Variants in DPYD observed in about 807,000 individuals in gnomAD.
The protein encoded by DPYD is dihydropyrimidine dehydrogenase [NADP(+)].
DPYD carries 109 observed loss-of-function variants against 116.2 expected under a neutral mutation model. That is an observed-to-expected ratio of 0.94 (90% CI 0.80 to 1.10). The LOEUF (loss-of-function observed/expected upper bound fraction) is 1.10, where lower values mean the gene tolerates loss of function less well. Ranked by LOEUF, DPYD falls within the 50% of genes least tolerant of loss-of-function variation. DPYD has a pLI of 0.00. For missense variants in DPYD, 1,302 were observed against 1,254.5 expected (o/e 1.04, Z -0.57); for synonymous variants, 440 against 432.0 (o/e 1.02, Z -0.23).
intron 14 of DPYD, among the ~76,000 whole-genome samples, chr1:97,389,595 C>A (rs1049934432): frequency 6.6e-6 from 1 of 151,844 alleles, no homozygotes; most frequent in Non-Finnish European, 1.5e-5. Context: ...ATTTGATATG[C>A]TCCTGAAAAG....
chr1:97,549,468 A>C, intron 12 of DPYD, 92 bp downstream of exon 12: 1 of 1,382,468 alleles, frequency 7.2e-7, no homozygotes, highest in Admixed American at 1.7e-5. Flanking sequence ...ATTATATACC[A>C]AATAGAAATG....
At chr1:97,492,350 A>G (rs992473122) in intron 13 of DPYD, among the ~76,000 whole-genome samples, 19 of 152,122 alleles carry the variant, frequency 1.2e-4, no homozygotes, top group Non-Finnish European at 4.4e-5. Context: ...TTGTCAAAAT[A>G]TTTTCTGTTC....
intron 13 of DPYD, among the ~76,000 whole-genome samples, chr1:97,513,179 A>G (rs185170464): frequency 6.7e-6 from 1 of 150,128 alleles, no homozygotes; most frequent in African/African-American, 2.4e-5. Context: ...AAGAGTATAA[A>G]ATATATATAT....
chr1:97,355,204 A>G (rs1309940252), intron 16 of DPYD, among the ~76,000 whole-genome samples: 1 of 152,120 alleles, frequency 6.6e-6, no homozygotes, highest in Admixed American at 6.5e-5. Context: ...TATCATCTCT[A>G]TAGGAATAAT....
At chr1:97,680,220 T>G (rs1660360935) in intron 7 of DPYD, among the ~76,000 whole-genome samples, 1 of 152,116 alleles carries the variant, frequency 6.6e-6, no homozygotes, top group South Asian at 2.1e-4. Flanking sequence ...AAAGCTATCA[T>G]AGTTGGGAAG....
At chr1:97,811,771 A>G (rs1668360555) in intron 3 of DPYD, among the ~76,000 whole-genome samples, 1 of 152,160 alleles carries the variant, frequency 6.6e-6, no homozygotes, top group Non-Finnish European at 1.5e-5. Flanking sequence ...GCTGAAATTC[A>G]AAGTGTATAT....
Position 97,549,745 on chromosome 1 carries a change from C to T in DPYD, c.1340-1G>A, listed in dbSNP as rs1435774234. 6.2e-7 allele frequency: 1 copy of T among 1,612,912 alleles called. No individual in the cohort carries two copies. The highest frequency in any genetic ancestry group is 8.5e-7 in the Non-Finnish European group (1 of 1,179,438). ...TTTATAGGGCTCAAGGCTTCTTTTA[C>T]TGAAAAAACAAGTGAAAAACAATAG... On this transcript the variant is annotated splice_acceptor_variant, in intron 11 of 22. Coordinates refer to ENST00000370192, the MANE Select transcript of DPYD (RefSeq NM_000110.4). LOFTEE classifies it high-confidence loss of function.
At chr1:97,599,328 C>A (rs887926729) in intron 8 of DPYD, among the ~76,000 whole-genome samples, 2 of 152,102 alleles carry the variant, frequency 1.3e-5, no homozygotes, top group African/African-American at 2.4e-5. Context: ...ATAGTAAATT[C>A]TTTCCTTGTG....
intron 5 of DPYD, among the ~76,000 whole-genome samples, chr1:97,717,025 G>A (rs1662654473): frequency 6.6e-6 from 1 of 151,940 alleles, no homozygotes; most frequent in African/African-American, 2.4e-5. Context: ...TAATGATCAA[G>A]TCAGGGTAAC....
chr1:97,474,066 A>T (rs1248273517), intron 13 of DPYD, among the ~76,000 whole-genome samples: 7 of 151,876 alleles, frequency 4.6e-5, no homozygotes, highest in Non-Finnish European at 1.0e-4. Context: ...ACAGTATAAA[A>T]GTTTCTCAAA....
chr1:97,237,241 C>CAAAAAAA lies in DPYD; in HGVS notation c.2300-2254_2300-2248dup, dbSNP rs58926889. Reference sequence around the variant, plus strand: ...GGGCAACAAGAGCAAGATTCTGTCTCAAAAAAAAAAAAAAAAAAAAAAAAA... The same window carrying CAAAAAAA: ...GGGCAACAAGAGCAAGATTCTGTCTCAAAAAAAAAAAAAAAAAAAAAAAAAAAAAAAA... On this transcript the variant is annotated intron_variant, in intron 18 of 22. Coordinates refer to ENST00000370192, the MANE Select transcript of DPYD (RefSeq NM_000110.4). Among the ~76,000 whole-genome samples the CAAAAAAA allele has an allele frequency of 2.1e-3, 119 of 57,662 alleles. 4 individuals are homozygous for CAAAAAAA. Among genetic ancestry groups the CAAAAAAA allele is most frequent in the African/African-American group, 6.9e-3 (101 of 14,722 alleles). The allele number at this position is 57,662 out of a possible 152,430, so 37.8% of individuals were successfully genotyped here.
In DPYD at chr1:97,460,578, C is replaced by A. The variant is rs369206595; in HGVS notation, c.1741-10355G>T. 1.5e-4 allele frequency among the ~76,000 whole-genome samples: 23 copies of A among 152,288 alleles called. 1 individual carries two copies. The highest frequency in any genetic ancestry group is 1.3e-3 in the East Asian group (7 of 5,186). On this transcript the variant is annotated intron_variant, in intron 13 of 22. Transcript: ENST00000370192. The stretch of plus-strand genomic sequence containing the variant: ...AGCCTCAGAACCAAGGTCTCTCTGG[C>A]CTTCTCCCAGCCCCCATCTCTTGTT...
chr1:97,225,254 C>T (rs561077548), intron 19 of DPYD, among the ~76,000 whole-genome samples: 1 of 152,130 alleles, frequency 6.6e-6, no homozygotes, highest in South Asian at 2.1e-4. Flanking sequence ...CCCTCATCAA[C>T]ATTTGCTATT....
At chr1:97,225,728 C>T (rs958706452) in intron 19 of DPYD, among the ~76,000 whole-genome samples, 2 of 151,668 alleles carry the variant, frequency 1.3e-5, no homozygotes, top group African/African-American at 4.8e-5. Flanking sequence ...TGATGTAGTC[C>T]TACTTGTTTA....
intron 11 of DPYD, among the ~76,000 whole-genome samples, chr1:97,554,250 C>A (rs533243429): frequency 6.6e-6 from 1 of 151,964 alleles, no homozygotes; most frequent in Non-Finnish European, 1.5e-5. Flanking sequence ...AAGAGAAACC[C>A]ACAAGCATAT....
intron 16 of DPYD, among the ~76,000 whole-genome samples, chr1:97,324,976 T>C (rs1668639267): frequency 6.6e-6 from 1 of 152,092 alleles, no homozygotes; most frequent in African/African-American, 2.4e-5. Context: ...GACAAGGATC[T>C]TTCATTTATC....
chr1:97,210,562 T>G (rs1659968869), intron 19 of DPYD, among the ~76,000 whole-genome samples: 1 of 152,138 alleles, frequency 6.6e-6, no homozygotes, highest in African/African-American at 2.4e-5. Flanking sequence ...TAATATTATT[T>G]CAATTACTAT....
At chr1:97,414,290 T>G (rs962211801) in intron 14 of DPYD, among the ~76,000 whole-genome samples, 1 of 152,170 alleles carries the variant, frequency 6.6e-6, no homozygotes, top group Admixed American at 6.5e-5. Flanking sequence ...TTATCAGCCT[T>G]GGTTGAGTAG....
chr1:97,439,016 G>T (rs1172754472), intron 14 of DPYD, among the ~76,000 whole-genome samples: 1 of 151,954 alleles, frequency 6.6e-6, no homozygotes. Flanking sequence ...AGGCTTTGTT[G>T]TACATACCCT....
Sources: gnomAD v4.1 joint callset for allele counts (sites outside exome capture counted in the v4.1 genomes callset) on GRCh38, gnomAD v4.1.1 for gene constraint, MANE v1.5 for transcripts, NCBI Gene and HGNC (gene_info 2026-07-23, HGNC 2026-07-21) for gene names.